COG5: variants seen among roughly 807,000 people sequenced by gnomAD.
COG5 encodes component of oligomeric golgi complex 5, also known as conserved oligomeric Golgi complex subunit 5.
A neutral mutation model predicts 110.4 loss-of-function variants in COG5; 86 were observed. The ratio of observed to expected loss-of-function variants is 0.78; its 90% CI spans 0.65 to 0.93. COG5 has a LOEUF of 0.93. COG5 is among the 40% of genes least tolerant of loss of function. The pLI is 0.00. For synonymous variants in COG5, 360 were observed against 334.6 expected (o/e 1.08, Z -0.83); for missense variants, 1,077 against 987.0 (o/e 1.09, Z -1.22).
At chr7:107,390,375 C>T (rs182192820) in intron 7 of COG5, among the ~76,000 whole-genome samples, 71 of 152,208 alleles carry the variant, frequency 4.7e-4, no homozygotes, top group Non-Finnish European at 7.4e-4. Flanking sequence ...AATTCTTGCA[C>T]GTCTGCAAGC....
At chr7:107,446,964 G>A (rs556819582) in intron 6 of COG5, among the ~76,000 whole-genome samples, 66 of 152,256 alleles carry the variant, frequency 4.3e-4, no homozygotes, top group Middle Eastern at 3.4e-3. Flanking sequence ...GGGCTCAATT[G>A]GCTTTTTCTG....
Position 107,243,488 on chromosome 7 carries a change from G to A in COG5, c.1853+4908C>T, listed in dbSNP as rs538814733. Among the ~76,000 whole-genome samples the A allele has an allele frequency of 2.1e-5, 3 of 143,968 alleles. No individual in the cohort carries two copies. The East Asian group carries it at 6.1e-4, about 29-fold the overall frequency. The allele number at this position is 143,968 out of a possible 152,430, so 94.4% of individuals were successfully genotyped here. ...GATCACGCCACTGCACTCCAGCCTAGGGGACAGAGCGAGACTCCATCTCAA... is the reference window on the plus strand; with the variant it reads ...GATCACGCCACTGCACTCCAGCCTAAGGGACAGAGCGAGACTCCATCTCAA... On this transcript the variant is annotated intron_variant, in intron 17 of 21. Coordinates refer to ENST00000297135, the MANE Select transcript of COG5 (RefSeq NM_006348.5).
At chr7:107,479,119 T>C (rs902844976) in intron 6 of COG5, among the ~76,000 whole-genome samples, 6 of 152,022 alleles carry the variant, frequency 3.9e-5, no homozygotes, top group African/African-American at 1.4e-4. Context: ...ATGTGGTAAA[T>C]ACTATAAAAG....
At chr7:107,550,692 A>T (rs1055312784) in intron 3 of COG5, among the ~76,000 whole-genome samples, 2 of 152,100 alleles carry the variant, frequency 1.3e-5, no homozygotes, top group African/African-American at 2.4e-5. Context: ...TCTCTATAGA[A>T]TTTACAAATA....
At chr7:107,454,822 G>C (rs1295079095) in intron 6 of COG5, among the ~76,000 whole-genome samples, 1 of 151,888 alleles carries the variant, frequency 6.6e-6, no homozygotes, top group Non-Finnish European at 1.5e-5. Context: ...GATCTAGTCT[G>C]ATTCCTAAAA....
At chr7:107,414,464 A>G (rs1484066508) in intron 6 of COG5, among the ~76,000 whole-genome samples, 1 of 152,096 alleles carries the variant, frequency 6.6e-6, no homozygotes, top group Non-Finnish European at 1.5e-5. Flanking sequence ...GGTTTACTTA[A>G]CATGAGAAAA....
At chr7:107,412,929 T>A (rs965554047) in intron 6 of COG5, among the ~76,000 whole-genome samples, 1 of 152,068 alleles carries the variant, frequency 6.6e-6, no homozygotes, top group Non-Finnish European at 1.5e-5. Flanking sequence ...TCAAATTTAG[T>A]ATTTTAAAGT....
At chr7:107,240,307 C>A (rs1234774832) in intron 17 of COG5, among the ~76,000 whole-genome samples, 1 of 152,176 alleles carries the variant, frequency 6.6e-6, no homozygotes, top group Non-Finnish European at 1.5e-5. Flanking sequence ...CCTCTGCCTC[C>A]AGGGTTCAAG....
intron 17 of COG5, among the ~76,000 whole-genome samples, chr7:107,238,569 C>T (rs777439689): frequency 1.3e-5 from 2 of 152,150 alleles, no homozygotes; most frequent in Non-Finnish European, 1.5e-5. Context: ...TTTTGAGAAA[C>T]GTCCTTACAG....
intron 6 of COG5, chr7:107,475,064 C>T: frequency 6.2e-7 from 1 of 1,612,984 alleles, no homozygotes; most frequent in Non-Finnish European, 8.5e-7. Flanking sequence ...TTAAATACCA[C>T]CATTTTATGT....
intron 12 of COG5, among the ~76,000 whole-genome samples, chr7:107,288,449 T>C (rs948699684): frequency 1.3e-5 from 2 of 152,216 alleles, no homozygotes; most frequent in African/African-American, 4.8e-5. Flanking sequence ...AGGATAGTAA[T>C]TTCTCAACAT....
intron 6 of COG5, among the ~76,000 whole-genome samples, chr7:107,494,940 T>A (rs1352990637): frequency 6.6e-6 from 1 of 152,004 alleles, no homozygotes; most frequent in Admixed American, 6.6e-5. Flanking sequence ...GTGGGTGGAA[T>A]CCTGAGAGCC....
intron 18 of COG5, among the ~76,000 whole-genome samples, chr7:107,232,961 A>T (rs1477809459): frequency 6.6e-6 from 1 of 152,158 alleles, no homozygotes; most frequent in Non-Finnish European, 1.5e-5. Context: ...CTCCTAGGGT[A>T]CTCCTGCCCT....
chr7:107,513,908 G>A (rs939086549), intron 6 of COG5, among the ~76,000 whole-genome samples: 1 of 148,852 alleles, frequency 6.7e-6, no homozygotes, highest in Non-Finnish European at 1.5e-5. Context: ...TGGGGTGGGG[G>A]AAGAGGGGAG....
rs751893296 is a variant in COG5, at chr7:107,496,648, ACT to A, written c.538+30587_538+30588del. ...GAATTCCAGCCTGGGTGACAGTGAG[ACT>A]CTGTCTCAAAAAAAAAACAAAAAAC... is the stretch of plus-strand genomic sequence containing the variant. On this transcript the variant is annotated intron_variant, in intron 6 of 21. Transcript: ENST00000297135. Among the ~76,000 whole-genome samples the A allele has an allele frequency of 5.1e-4, 76 of 148,384 alleles. 1 individual carries two copies. Among genetic ancestry groups the A allele is most frequent in the Non-Finnish European group, 1.0e-3 (67 of 67,282 alleles).
At chr7:107,507,740 G>A (rs530939342) in intron 6 of COG5, among the ~76,000 whole-genome samples, 15 of 152,128 alleles carry the variant, frequency 9.9e-5, no homozygotes, top group Non-Finnish European at 4.4e-5. Context: ...CTATACATAA[G>A]TGAGAAACGT....
intron 6 of COG5, among the ~76,000 whole-genome samples, chr7:107,464,094 G>C (rs56927744): frequency 1.3e-5 from 2 of 152,076 alleles, no homozygotes; most frequent in Admixed American, 6.6e-5. Flanking sequence ...TAGAATAGAG[G>C]GGGTAGAGAA....
At chr7:107,543,934 C>T (rs1028360093) in intron 5 of COG5, among the ~76,000 whole-genome samples, 1 of 152,136 alleles carries the variant, frequency 6.6e-6, no homozygotes, top group Non-Finnish European at 1.5e-5. Context: ...AGTGCCAGGC[C>T]TGCCCCCAAG....
intron 6 of COG5, among the ~76,000 whole-genome samples, chr7:107,499,661 A>G (rs1353326704): frequency 2.6e-5 from 4 of 152,038 alleles, no homozygotes; most frequent in Admixed American, 2.6e-4. Flanking sequence ...GCTGCCTCAG[A>G]CCTCCCTAAG....
Sources: allele counts gnomAD v4.1 joint callset (sites outside exome capture counted in the v4.1 genomes callset), GRCh38; gene constraint gnomAD v4.1.1; transcripts MANE v1.5; gene names NCBI Gene and HGNC (gene_info 2026-07-23, HGNC 2026-07-21).